Variants in ATG7 observed in about 807,000 individuals in gnomAD.
ATG7 encodes the protein ubiquitin-like modifier-activating enzyme ATG7.
A neutral mutation model predicts 82.4 loss-of-function variants in ATG7; 70 were observed. The observed-to-expected ratio is 0.85, with a 90% CI of 0.70 to 1.04. The LOEUF is 1.04. Among genes scored for constraint, ATG7 ranks in the 50% least tolerant of loss-of-function variants. The pLI, the probability that ATG7 is intolerant of heterozygous loss-of-function variation, is 0.00. For missense variants in ATG7, 792 were observed against 864.3 expected (o/e 0.92, Z 1.05); for synonymous variants, 287 against 313.0 (o/e 0.92, Z 0.88).
At chr3:11,397,174 A>G (rs1181682684) in intron 19 of ATG7, among the ~76,000 whole-genome samples, 1 of 152,176 alleles carries the variant, frequency 6.6e-6, no homozygotes, top group Non-Finnish European at 1.5e-5. Flanking sequence ...TATACAAGCA[A>G]TATATCTTAA....
At chr3:11,322,932 CTA>C (rs1950401309) in intron 9 of ATG7, among the ~76,000 whole-genome samples, 1 of 152,116 alleles carries the variant, frequency 6.6e-6, no homozygotes, top group Admixed American at 6.5e-5. Context: ...GGCTCTGTCT[CTA>C]CAAAAAATTT....
At chr3:11,439,191 C>T (rs1350946466) in intron 20 of ATG7, among the ~76,000 whole-genome samples, 1 of 151,130 alleles carries the variant, frequency 6.6e-6, no homozygotes, top group Non-Finnish European at 1.5e-5. Flanking sequence ...GCCTCAGCCT[C>T]CCGAGTAGCA....
At chr3:11,536,666 G>A (rs1410405084) in intron 20 of ATG7, among the ~76,000 whole-genome samples, 1 of 152,220 alleles carries the variant, frequency 6.6e-6, no homozygotes, top group East Asian at 1.9e-4. Flanking sequence ...TCTTGCCACT[G>A]CACCCATAGG....
chr3:11,396,118 GA>G (rs1553641953), intron 19 of ATG7, among the ~76,000 whole-genome samples: 76 of 144,368 alleles, frequency 5.3e-4, no homozygotes, highest in East Asian at 2.6e-3. Context: ...AGAAGTATAG[GA>G]AAAAAAAAAA....
intron 20 of ATG7, among the ~76,000 whole-genome samples, chr3:11,517,496 C>G (rs765689504): frequency 6.6e-6 from 1 of 152,150 alleles, no homozygotes; most frequent in African/African-American, 2.4e-5. Flanking sequence ...CCTGTCCTTA[C>G]GGATCTCTGG....
At chr3:11,411,484 GGTGGT>G (rs2080887399) in intron 19 of ATG7, among the ~76,000 whole-genome samples, 1 of 151,830 alleles carries the variant, frequency 6.6e-6, no homozygotes, top group South Asian at 2.1e-4. Flanking sequence ...AGCCAGGCAT[GGTGGT>G]GTGTGCCTGA....
At chr3:11,273,751 A>G (rs1364600284) in intron 1 of ATG7, among the ~76,000 whole-genome samples, 1 of 152,182 alleles carries the variant, frequency 6.6e-6, no homozygotes, top group African/African-American at 2.4e-5. Flanking sequence ...ACCCTGTTTC[A>G]TGGCACCTTC....
At position 11,331,420 on chromosome 3, in the gene ATG7, C is replaced by A; in HGVS notation, c.759C>A (p.Ala253=). 6.2e-7 allele frequency: 1 copy of A among 1,600,656 alleles called. No homozygotes were observed. The highest frequency in any genetic ancestry group is 8.6e-7 in the Non-Finnish European group (1 of 1,167,818). The change falls in exon 10 of 21, where the codon GCC becomes GCA. Residue 253 remains alanine, a synonymous_variant. Coordinates refer to ENST00000693202, the MANE Select transcript of ATG7 (RefSeq NM_001349232.2). ...TGAGGAATTTTTTGGTCCTAGCAGC[C>A]CACAGATGGTATTTACAAGAGTGTG... is the stretch of plus-strand genomic sequence containing the variant. ...WPLRNFLVLA[A]HRWSSSFQSV...
intron 20 of ATG7, among the ~76,000 whole-genome samples, chr3:11,436,337 T>C (rs890470951): frequency 2.6e-5 from 4 of 152,310 alleles, no homozygotes; most frequent in Non-Finnish European, 5.9e-5. Context: ...TATGAAGATG[T>C]AGGGAAATTA....
At chr3:11,522,296 A>G (rs2092463065) in intron 20 of ATG7, among the ~76,000 whole-genome samples, 1 of 152,188 alleles carries the variant, frequency 6.6e-6, no homozygotes, top group Non-Finnish European at 1.5e-5. Flanking sequence ...ATGGAGTATC[A>G]GGGAACTCTG....
chr3:11,470,830 G>A (rs2087418840), intron 20 of ATG7, among the ~76,000 whole-genome samples: 1 of 152,136 alleles, frequency 6.6e-6, no homozygotes. Flanking sequence ...GGAGGAGCTC[G>A]GACTCCAAGT....
chr3:11,483,098 T>A (rs1450224668), intron 20 of ATG7, among the ~76,000 whole-genome samples: 1 of 152,180 alleles, frequency 6.6e-6, no homozygotes, highest in Non-Finnish European at 1.5e-5. Flanking sequence ...TCAGCTATTG[T>A]GGCAAAAAGA....
chr3:11,359,520 C>T (rs1017834252), intron 15 of ATG7, among the ~76,000 whole-genome samples: 1 of 151,804 alleles, frequency 6.6e-6, no homozygotes, highest in African/African-American at 2.4e-5. Flanking sequence ...CATGGTGAGA[C>T]TCTCTCTCTA....
At chr3:11,565,380 G>A in the ATG7 span, among the ~76,000 whole-genome samples, 5 of 152,098 alleles carry the variant, frequency 3.3e-5, no homozygotes, top group South Asian at 2.1e-4. This position sits in a 1 kb window ranked among gnomAD's most constrained non-coding sequence, Gnocchi z 4.1. Context: ...TGGACAGGAC[G>A]GGGACGCTGA....
chr3:11,562,679 G>A, the ATG7 span, among the ~76,000 whole-genome samples: 1 of 152,230 alleles, frequency 6.6e-6, no homozygotes, highest in Non-Finnish European at 1.5e-5. Flanking sequence ...GGAGCCCCAC[G>A]AATGGTTACG....
intron 20 of ATG7, among the ~76,000 whole-genome samples, chr3:11,546,392 G>A (rs1039840402): frequency 1.3e-5 from 2 of 152,070 alleles, no homozygotes; most frequent in Admixed American, 6.5e-5. Flanking sequence ...AGCTGGTCTC[G>A]AACTCCTGAC....
At chr3:11,298,148 C>T (rs972836139) in intron 3 of ATG7, among the ~76,000 whole-genome samples, 1 of 151,440 alleles carries the variant, frequency 6.6e-6, no homozygotes, top group Non-Finnish European at 1.5e-5. Context: ...CACTGCACTC[C>T]AGTGCAACAG....
At chr3:11,542,597 C>T (rs956913792) in intron 20 of ATG7, among the ~76,000 whole-genome samples, 1 of 152,174 alleles carries the variant, frequency 6.6e-6, no homozygotes, top group Non-Finnish European at 1.5e-5. Context: ...CCAGTATCCC[C>T]ACTGCTACAC....
At chr3:11,441,367 G>A (rs935883647) in intron 20 of ATG7, among the ~76,000 whole-genome samples, 1 of 142,538 alleles carries the variant, frequency 7.0e-6, no homozygotes, top group Non-Finnish European at 1.5e-5. Flanking sequence ...TCAACCTCCC[G>A]AATAGCTGGG....
Sources: gnomAD v4.1 joint callset for allele counts (sites outside exome capture counted in the v4.1 genomes callset) on GRCh38, gnomAD v4.1.1 for gene constraint, Gnocchi (gnomAD v3.1) non-coding constraint, MANE v1.5 for transcripts, NCBI Gene and HGNC (gene_info 2026-07-23, HGNC 2026-07-21) for gene names.